ZFHX3: variants seen among roughly 807,000 people sequenced by gnomAD.
The protein encoded by ZFHX3 is zinc finger homeobox 3.
A neutral mutation model predicts 279.1 loss-of-function variants in ZFHX3; 42 were observed. The ratio of observed to expected loss-of-function variants is 0.15; its 90% CI spans 0.12 to 0.19. The LOEUF is 0.19. Ranked by LOEUF, ZFHX3 falls within the 10% of genes least tolerant of loss-of-function variation. The pLI is 1.00. For missense variants in ZFHX3, 4,981 were observed against 4,754.0 expected, an observed-to-expected ratio of 1.05 and a Z score of -1.40; for synonymous variants, 2,293 against 1,957.8, an observed-to-expected ratio of 1.17 and a Z score of -4.52.
chr16:72,967,760 CAAAAAAAA>C (rs1201182514), intron 1 of ZFHX3, among the ~76,000 whole-genome samples: 1 of 81,652 alleles, frequency 1.2e-5, no homozygotes, highest in Non-Finnish European at 2.8e-5. Context: ...ACTAAAAATA[CAAAAAAAA>C]AAAAAAAAAA....
At chr16:73,420,165 C>T (rs1371172374) in intron 3 of ZFHX3, 1 of 152,176 alleles carries the variant, frequency 6.6e-6, no homozygotes, top group East Asian at 1.9e-4. Context: ...GCCTCAACCT[C>T]CTAAAGTGCT....
intron 2 of ZFHX3, among the ~76,000 whole-genome samples, chr16:73,492,463 A>G (rs929244229): frequency 6.6e-6 from 1 of 152,166 alleles, no homozygotes; most frequent in Admixed American, 6.5e-5. Flanking sequence ...CTCCACCCTG[A>G]TCCAACTTCC....
rs2035962084 is a variant in ZFHX3 at position 72,797,688 on chromosome 16, G to C, written c.4994C>G (p.Thr1665Ser). The C allele has an allele frequency of 6.2e-7, 1 of 1,614,012 alleles. No individual in the cohort carries two copies. Among genetic ancestry groups the C allele is most frequent in the African/African-American group, 1.3e-5 (1 of 74,902 alleles). ...AATGCCAGCACTGCTTGGATTGGAG[G>C]TGGTAAAGGTGTTACTGCCACTGGT... ...VSTSGSNTFT[T>S]SNPSSAGIAP... Residue 1665 changes from threonine to serine, a missense_variant, in exon 9 of 10, where the codon ACC (threonine) becomes AGC (serine). Physicochemically the swap from Thr to Ser is moderately conservative, Grantham distance 58 (BLOSUM62 1). Around this residue, in one of 7 missense-constraint regions of ZFHX3, gnomAD observed 1,751 missense variants for 1,770.0 expected, o/e 0.99. Coordinates refer to ENST00000268489, the MANE Select transcript of ZFHX3 (RefSeq NM_006885.4).
chr16:73,676,931 GCAACACTGACTCTCA>G (rs2052961059), intron 2 of ZFHX3, among the ~76,000 whole-genome samples: 1 of 151,932 alleles, frequency 6.6e-6, no homozygotes, highest in Non-Finnish European at 1.5e-5. Context: ...GTCAAATAAC[GCAACACTGACTCTCA>G]GAATGAGAAT....
chr16:73,226,505 G>T (rs1377486663), intron 5 of ZFHX3, among the ~76,000 whole-genome samples: 1 of 152,346 alleles, frequency 6.6e-6, no homozygotes, highest in East Asian at 1.9e-4. Flanking sequence ...TATGAAAGCT[G>T]TTTTCACTGC....
At chr16:73,466,765 G>C (rs949810051) in intron 2 of ZFHX3, among the ~76,000 whole-genome samples, 1 of 152,114 alleles carries the variant, frequency 6.6e-6, no homozygotes, top group African/African-American at 2.4e-5. Context: ...AAAGCTCAGG[G>C]ACCTAATCCT....
At chr16:73,465,527 TC>T in intron 2 of ZFHX3, among the ~76,000 whole-genome samples, 1 of 148,000 alleles carries the variant, frequency 6.8e-6, no homozygotes, top group Non-Finnish European at 1.5e-5. Context: ...CTTCTCCGGT[TC>T]CCCATCACCT....
chr16:73,589,894 C>T (rs917460238), intron 2 of ZFHX3, among the ~76,000 whole-genome samples: 2 of 151,670 alleles, frequency 1.3e-5, no homozygotes, highest in African/African-American at 4.8e-5. Flanking sequence ...AACTGTGTAA[C>T]TAGTTGGAAA....
chr16:72,864,758 A>T (rs1484529506), intron 4 of ZFHX3, among the ~76,000 whole-genome samples: 1 of 152,214 alleles, frequency 6.6e-6, no homozygotes, highest in Non-Finnish European at 1.5e-5. Context: ...TATGGCCTAT[A>T]TCAGAATCCA....
chr16:73,187,459 C>T (rs1043923643), intron 5 of ZFHX3, among the ~76,000 whole-genome samples: 1 of 151,938 alleles, frequency 6.6e-6, no homozygotes, highest in African/African-American at 2.4e-5. Context: ...TAGCTATTGA[C>T]ATTGAACTTA....
At chr16:72,991,312 T>C (rs192124577) in intron 1 of ZFHX3, among the ~76,000 whole-genome samples, 12 of 152,358 alleles carry the variant, frequency 7.9e-5, no homozygotes, top group Admixed American at 2.6e-4. Flanking sequence ...AAACATAGTC[T>C]ACCTAGGGTT....
chr16:73,056,013 C>G (rs1965548957), intron 1 of ZFHX3, among the ~76,000 whole-genome samples: 1 of 152,174 alleles, frequency 6.6e-6, no homozygotes, highest in South Asian at 2.1e-4. Context: ...TATATAAGCC[C>G]TGTGCGTTTC....
At chr16:72,847,977 G>A (rs780910761) in intron 4 of ZFHX3, among the ~76,000 whole-genome samples, 1 of 152,128 alleles carries the variant, frequency 6.6e-6, no homozygotes, top group Non-Finnish European at 1.5e-5. Flanking sequence ...TGGGGAAGGG[G>A]TCAGGACAAT....
chr16:73,620,054 G>C (rs1300037937), intron 2 of ZFHX3, among the ~76,000 whole-genome samples: 1 of 152,136 alleles, frequency 6.6e-6, no homozygotes, highest in East Asian at 1.9e-4. Flanking sequence ...CTCCCAAGTA[G>C]CTGGGACTAC....
intron 4 of ZFHX3, among the ~76,000 whole-genome samples, chr16:72,867,795 T>C (rs2038058403): frequency 6.6e-6 from 1 of 152,058 alleles, no homozygotes; most frequent in African/African-American, 2.4e-5. Context: ...GTGGCAGCTT[T>C]CCTCTTCTAA....
In ZFHX3 at chr16:72,957,603, A is replaced by T; in HGVS notation, c.2543T>A (p.Leu848Gln). 1.2e-6 allele frequency: 2 copies of T among 1,614,176 alleles called. No individual in the cohort carries two copies. ...GGGTGAGGGCAGGCTGCCGAGGCCC[A>T]GGTGGCGGTTGTGTTGGATCTGGGT... ...NMTQIQHNRH[L>Q]GLGSLPSPAE... The change falls in exon 2 of 10, where the codon CTG (leucine) becomes CAG (glutamine). Residue 848 changes from leucine (L) to glutamine (Q), a missense_variant. By Grantham distance (113) the Leu-to-Gln change is moderately radical (BLOSUM62 -2). This residue lies in a region of ZFHX3 where 1,751 missense variants were observed against 1,770.0 expected (regional missense o/e 0.99). Coordinates refer to ENST00000268489, the MANE Select transcript of ZFHX3 (RefSeq NM_006885.4).
intron 3 of ZFHX3, among the ~76,000 whole-genome samples, chr16:73,379,469 G>A (rs1302861094): frequency 2.0e-5 from 3 of 152,138 alleles, no homozygotes; most frequent in Non-Finnish European, 4.4e-5. Context: ...CTACTTACAG[G>A]CTGTATCTCC....
At chr16:73,073,287 C>A (rs145322448) in intron 8 of ZFHX3, among the ~76,000 whole-genome samples, 1 of 152,272 alleles carries the variant, frequency 6.6e-6, no homozygotes, top group Non-Finnish European at 1.5e-5. Flanking sequence ...ATGAGGCTAC[C>A]TTCTAGAGAC....
At chr16:72,961,447 A>G (rs1961574188) in intron 1 of ZFHX3, among the ~76,000 whole-genome samples, 1 of 152,204 alleles carries the variant, frequency 6.6e-6, no homozygotes, top group Admixed American at 6.5e-5. Context: ...TCCTACAGGC[A>G]GCTCAGCACC....
Sources: allele counts gnomAD v4.1 joint callset (sites outside exome capture counted in the v4.1 genomes callset), GRCh38; gene constraint gnomAD v4.1.1; regional missense constraint gnomAD v4.1.1; transcripts MANE v1.5; gene names NCBI Gene and HGNC (gene_info 2026-07-23, HGNC 2026-07-21).